MX1: variants seen among roughly 807,000 people sequenced by gnomAD.
The protein encoded by MX1 is interferon-induced GTP-binding protein Mx1.
In MX1, 66 loss-of-function variants were observed where a neutral mutation model predicts 66.4. The observed-to-expected ratio is 0.99, with a 90% confidence interval of 0.82 to 1.22. MX1 has a LOEUF of 1.22. Among genes scored for constraint, MX1 ranks in the 50% most tolerant of loss-of-function variants. MX1 has a pLI of 0.00. For synonymous variants in MX1, 311 were observed against 318.1 expected, an observed-to-expected ratio of 0.98 and a Z score of 0.24; for missense variants, 787 against 834.3, an observed-to-expected ratio of 0.94 and a Z score of 0.70.
At chr21:41,451,276 A>T (rs767127294) in intron 15 of MX1, 33 bp downstream of exon 15, 1 of 1,366,722 alleles carries the variant, frequency 7.3e-7, no homozygotes, top group South Asian at 1.2e-5. Context: ...TAAAAAAAAA[A>T]AAGAAAAGAA....
intron 6 of MX1, among the ~76,000 whole-genome samples, chr21:41,436,424 A>G (rs1292589783): frequency 6.6e-6 from 1 of 152,130 alleles, no homozygotes; most frequent in East Asian, 1.9e-4. Flanking sequence ...ACGCTATCTC[A>G]TTGCACATTT....
intron 8 of MX1, among the ~76,000 whole-genome samples, 197 bp from the exon 9 acceptor site, chr21:41,440,690 A>C (rs1485264987): frequency 6.6e-6 from 1 of 152,112 alleles, no homozygotes; most frequent in African/African-American, 2.4e-5. Flanking sequence ...CTTCTGCCAC[A>C]GATAATTTAT....
Position 41,437,032 on chromosome 21 carries a change from C to G in MX1, c.316C>G (p.Pro106Ala). 6.2e-7 allele frequency: 1 copy of G among 1,613,852 alleles called. No homozygotes were observed. The highest frequency in any genetic ancestry group is 8.5e-7 in the Non-Finnish European group (1 of 1,179,832). Reference sequence around the variant, plus strand: ...CCTCCTAGGGATCGTGACCAGATGCCCGCTGGTGCTGAAACTGAAGAAACT... The same window carrying G: ...CCTCCTAGGGATCGTGACCAGATGCGCGCTGGTGCTGAAACTGAAGAAACT... ...PRGSGIVTRCPLVLKLKKLVN... is the reference protein window; with the variant it reads ...PRGSGIVTRCALVLKLKKLVN... The change falls in exon 7 of 17, where the codon CCG becomes GCG. Residue 106 changes from proline to alanine, a missense_variant. Pro to Ala is a conservative substitution (Grantham distance 27). Coordinates refer to ENST00000398598, the MANE Select transcript of MX1 (RefSeq NM_002462.5).
chr21:41,448,787 C>T (rs967509671), intron 13 of MX1, among the ~76,000 whole-genome samples: 1 of 152,022 alleles, frequency 6.6e-6, no homozygotes. Flanking sequence ...GCCTGGGTGA[C>T]AGAGCGAGAC....
chr21:41,425,213 G>C (rs763885184), upstream of MX1, among the ~76,000 whole-genome samples: 1 of 152,192 alleles, frequency 6.6e-6, no homozygotes, highest in African/African-American at 2.4e-5. Context: ...GGGTGCAGGC[G>C]GGCTGAGTCC....
At chr21:41,442,056 T>A in intron 10 of MX1, 142 bp downstream of exon 10, 1 of 749,744 alleles carries the variant, frequency 1.3e-6, no homozygotes, top group Non-Finnish European at 2.2e-6. Context: ...TGTGTGTGAC[T>A]ATGCTTGTTC....
chr21:41,432,647 G>T (rs753314134), intron 5 of MX1, among the ~76,000 whole-genome samples: 49 of 152,182 alleles, frequency 3.2e-4, no homozygotes, highest in Non-Finnish European at 6.9e-4. Context: ...AGTTGGTCCC[G>T]ACGCTGACAC....
At chr21:41,445,667 CT>C in intron 12 of MX1, 97 bp downstream of exon 12, 1 of 1,527,432 alleles carries the variant, frequency 6.5e-7, no homozygotes, top group Non-Finnish European at 8.9e-7. Flanking sequence ...TCCCCCAAGG[CT>C]GATCCAAAGA....
rs1011968148 is a variant in MX1 at position 41,440,919 on chromosome 21, G to T, written c.624G>T (p.Arg208Ser). ...CACTCATCAAGAAGTACATCCAGAGGCAGGAGACAATCAGCCTGGTGGTGG... is the reference window on the plus strand; with the variant it reads ...CACTCATCAAGAAGTACATCCAGAGTCAGGAGACAATCAGCCTGGTGGTGG... The part of the protein sequence containing the change: ...IKTLIKKYIQ[R>S]QETISLVVVP... The change falls in exon 9 of 17, where the codon AGG becomes AGT. Residue 208 changes from arginine to serine, a missense_variant. By Grantham distance (110) the Arg-to-Ser change is moderately radical. Transcript: ENST00000398598. The T allele has an allele frequency of 3.7e-6, 6 of 1,614,096 alleles. No individual in the cohort carries two copies. In the African/African-American group the frequency reaches 4.0e-5, roughly 11 times the overall value.
rs935176656 is a variant in MX1 at position 41,441,486 on chromosome 21, T to G, written c.731-230T>G. 1.0e-5 allele frequency: 6 copies of G among 578,706 alleles called. No homozygotes were observed. The highest frequency in any genetic ancestry group is 3.0e-5 in the Admixed American group (1 of 33,342). The allele number at this position is 578,706 out of a possible 1,614,324, so 35.8% of individuals were successfully genotyped here. ...CTACAGTGGACCCGGGTGAAGGAGCTTGGGGAGAGCCACATGCTGTTCTGG... is the reference window on the plus strand; with the variant it reads ...CTACAGTGGACCCGGGTGAAGGAGCGTGGGGAGAGCCACATGCTGTTCTGG... On this transcript the variant is annotated intron_variant, in intron 9 of 16. Transcript: ENST00000398598. The surrounding 1 kb of genome is among the most constrained non-coding windows in gnomAD (Gnocchi z 4.0).
chr21:41,423,916 G>A (rs1048985277), upstream of MX1, among the ~76,000 whole-genome samples: 4 of 152,170 alleles, frequency 2.6e-5, no homozygotes, highest in South Asian at 4.1e-4. Flanking sequence ...TGGGCAGGGC[G>A]CCTCACTGCC....
intron 10 of MX1, among the ~76,000 whole-genome samples, chr21:41,443,291 A>G (rs1403843894): frequency 6.6e-6 from 1 of 152,198 alleles, no homozygotes; most frequent in Non-Finnish European, 1.5e-5. Flanking sequence ...GAGTGAGAAG[A>G]TACTTGACTT....
At chr21:41,423,210 G>A (rs903101329), upstream of MX1, 4 of 152,702 alleles carry the variant, frequency 2.6e-5, no homozygotes, top group African/African-American at 9.6e-5. Flanking sequence ...GCCGGATCCA[G>A]AGGGGTGGAC....
intron 7 of MX1, among the ~76,000 whole-genome samples, chr21:41,438,894 G>GC (rs1408460110): frequency 4.6e-5 from 7 of 151,852 alleles, no homozygotes; most frequent in South Asian, 4.2e-4. Context: ...TGTTTCCAAG[G>GC]CCCCCCCGTG....
Position 41,451,147 on chromosome 21 carries a change from AT to A in MX1, c.1433-15del. 6.4e-7 allele frequency: 1 copy of A among 1,552,868 alleles called. No homozygotes were observed. Among genetic ancestry groups the A allele is most frequent in the Non-Finnish European group, 8.9e-7 (1 of 1,127,840 alleles). ...CAAATGATCCTACCAATATTGAACT[AT>A]TTTTCTCTCTTTGATTAGATATGGT... On this transcript the variant is annotated intron_variant, in intron 14 of 16. Transcript: ENST00000398598.
At position 41,441,955 on chromosome 21, in the gene MX1, AG is replaced by A. The variant is rs781565101; in HGVS notation, c.929+43del. ...TTTCATCATGGATCAGTCCAAGCCC[AG>A]GATGTCAGGCCTTCCAGGGGACAGT... On this transcript the variant is annotated intron_variant, in intron 10 of 16. Coordinates refer to ENST00000398598, the MANE Select transcript of MX1 (RefSeq NM_002462.5). This position sits in a 1 kb window ranked among gnomAD's most constrained non-coding sequence, Gnocchi z 4.0. 3 of 1,607,334 alleles carry A rather than the reference AG, an allele frequency of 1.9e-6. No homozygotes were observed. The highest frequency in any genetic ancestry group is 2.6e-6 in the Non-Finnish European group (3 of 1,174,250).
chr21:41,450,435 A>G (rs1311703400), intron 14 of MX1, among the ~76,000 whole-genome samples: 1 of 152,178 alleles, frequency 6.6e-6, no homozygotes, highest in Non-Finnish European at 1.5e-5. Flanking sequence ...CCATGAACTA[A>G]GGAGCTGGAG....
rs370698215 is a variant in MX1, at chr21:41,441,712, G to T, written c.731-4G>T. ...TTCTCTCCCCAAATACATCTGGCTC[G>T]CAGGAATCTTGACGAAGCCTGATCT... On this transcript the variant is annotated splice_region_variant and splice_polypyrimidine_tract_variant and intron_variant, in intron 9 of 16. Transcript: ENST00000398598. The surrounding 1 kb of genome is among the most constrained non-coding windows in gnomAD (Gnocchi z 4.0). 1 of 1,614,092 alleles carries T rather than the reference G, an allele frequency of 6.2e-7. No individual in the cohort carries two copies. The highest frequency in any genetic ancestry group is 8.5e-7 in the Non-Finnish European group (1 of 1,179,956).
intron 12 of MX1, 142 bp downstream of exon 12, chr21:41,445,712 G>T: frequency 8.3e-7 from 1 of 1,202,722 alleles, no homozygotes; most frequent in Non-Finnish European, 1.1e-6. Flanking sequence ...GGTGGACAGG[G>T]CTGAGGGAGG....
Sources: gnomAD v4.1 joint callset for allele counts (sites outside exome capture counted in the v4.1 genomes callset) on GRCh38, gnomAD v4.1.1 for gene constraint, Gnocchi (gnomAD v3.1) non-coding constraint, MANE v1.5 for transcripts, NCBI Gene and HGNC (gene_info 2026-07-23, HGNC 2026-07-21) for gene names.